The following THSD7B variants were observed in gnomAD, a reference collection of about 807,000 sequenced individuals.
THSD7B encodes thrombospondin type 1 domain containing 7B.
THSD7B carries 138 observed loss-of-function variants against 213.6 expected under a neutral mutation model. The ratio of observed to expected loss-of-function variants is 0.65; its 90% CI spans 0.56 to 0.74. The LOEUF is 0.74. Ranked by LOEUF, THSD7B falls within the 30% of genes least tolerant of loss-of-function variation. The probability of loss-of-function intolerance (pLI) is 0.00; values close to 1 mark genes in which losing one functional copy is unlikely to be tolerated. For missense variants in THSD7B, 1,931 were observed against 1,991.5 expected, an observed-to-expected ratio of 0.97 and a Z score of 0.58; for synonymous variants, 742 against 687.0, an observed-to-expected ratio of 1.08 and a Z score of -1.25.
intron 15 of THSD7B, among the ~76,000 whole-genome samples, chr2:137,505,594 C>T (rs984737537): frequency 3.9e-5 from 6 of 152,190 alleles, no homozygotes; most frequent in African/African-American, 1.2e-4. Flanking sequence ...ATTCTGCGAA[C>T]GGAGTCCTGG....
intron 15 of THSD7B, among the ~76,000 whole-genome samples, chr2:137,455,161 C>T (rs1324354201): frequency 6.6e-6 from 1 of 152,182 alleles, no homozygotes; most frequent in Non-Finnish European, 1.5e-5. Flanking sequence ...ATTCCAGTCC[C>T]TGTACATTAT....
At chr2:136,930,983 C>A (rs1684618547) in intron 2 of THSD7B, among the ~76,000 whole-genome samples, 1 of 152,254 alleles carries the variant, frequency 6.6e-6, no homozygotes, top group Admixed American at 6.5e-5. Context: ...TCAGTCTGGG[C>A]CAATAATAGT....
At chr2:137,391,463 C>T (rs1013623383) in intron 12 of THSD7B, among the ~76,000 whole-genome samples, 5 of 151,958 alleles carry the variant, frequency 3.3e-5, no homozygotes. Context: ...CCAAGGCGGG[C>T]AGATCACAAG....
At chr2:137,575,725 C>CACACACATATATATATATATATATAT (rs59620213) in intron 17 of THSD7B, among the ~76,000 whole-genome samples, 28 of 110,816 alleles carry the variant, frequency 2.5e-4, no homozygotes, top group Non-Finnish European at 4.5e-4. Context: ...CCATAACACA[C>CACACACATATATATATATATATATAT]ATATATATAT....
Position 136,851,098 on chromosome 2 carries a change from T to C in THSD7B, c.-35-31046T>C, listed in dbSNP as rs534434767. 3.9e-5 allele frequency among the ~76,000 whole-genome samples: 6 copies of C among 152,224 alleles called. No individual in the cohort carries two copies. The South Asian group carries it at 1.0e-3, about 26-fold the overall frequency. ...ATTTTGTCTTTCAAAAATATATTGGTGTGTTCTTCAGTTTTTCTGTATATC... is the reference window on the plus strand; with the variant it reads ...ATTTTGTCTTTCAAAAATATATTGGCGTGTTCTTCAGTTTTTCTGTATATC... On this transcript the variant is annotated intron_variant, in intron 1 of 27. Transcript: ENST00000409968.
chr2:136,822,782 T>C (rs920841731), intron 1 of THSD7B, among the ~76,000 whole-genome samples: 1 of 152,218 alleles, frequency 6.6e-6, no homozygotes, highest in African/African-American at 2.4e-5. Context: ...GGGAGAGTCC[T>C]ACCTGCATTC....
chr2:137,403,556 A>T (rs2105000463), intron 12 of THSD7B, among the ~76,000 whole-genome samples: 1 of 152,358 alleles, frequency 6.6e-6, no homozygotes, highest in South Asian at 2.1e-4. Flanking sequence ...AATTCAGCAA[A>T]TATCCATTAA....
At chr2:137,464,536 G>T (rs966643789) in intron 15 of THSD7B, among the ~76,000 whole-genome samples, 3 of 152,070 alleles carry the variant, frequency 2.0e-5, no homozygotes, top group South Asian at 2.1e-4. Flanking sequence ...CAGGGAGCTG[G>T]AATATTCATA....
At chr2:137,074,314 G>T (rs933986974) in intron 3 of THSD7B, among the ~76,000 whole-genome samples, 7 of 152,224 alleles carry the variant, frequency 4.6e-5, no homozygotes, top group African/African-American at 1.4e-4. Context: ...TCTTCTTGTT[G>T]AATTAATCCC....
At chr2:137,058,744 G>C (rs1396773648) in intron 3 of THSD7B, among the ~76,000 whole-genome samples, 1 of 152,154 alleles carries the variant, frequency 6.6e-6, no homozygotes, top group Non-Finnish European at 1.5e-5. Flanking sequence ...ATTATGTCGT[G>C]ATGATGCAGT....
At chr2:137,264,673 T>C (rs537791005) in intron 10 of THSD7B, among the ~76,000 whole-genome samples, 8 of 152,274 alleles carry the variant, frequency 5.3e-5, no homozygotes, top group Non-Finnish European at 1.2e-4. Context: ...ATTTGTGATA[T>C]TTCTGTTATA....
Position 136,823,268 on chromosome 2 carries a change from T to C in THSD7B, c.-36+57581T>C, listed in dbSNP as rs139677252. Among the ~76,000 whole-genome samples the C allele has an allele frequency of 5.9e-3, 895 of 152,294 alleles. 10 individuals carry two copies. Among genetic ancestry groups the C allele is most frequent in the African/African-American group, 0.021 (857 of 41,548 alleles). On this transcript the variant is annotated intron_variant, in intron 1 of 27. Transcript: ENST00000409968. ...CAGAAATTCCTCAATTCTTCTACGA[T>C]GTGGGCCATTAAAGTTCTGATTTGA...
At chr2:137,597,936 T>C (rs1681993209) in intron 17 of THSD7B, among the ~76,000 whole-genome samples, 1 of 152,136 alleles carries the variant, frequency 6.6e-6, no homozygotes, top group South Asian at 2.1e-4. Context: ...TAGTAAATAT[T>C]TCTCAAAGAG....
chr2:136,870,253 G>A (rs1173560131), intron 1 of THSD7B, among the ~76,000 whole-genome samples: 2 of 152,048 alleles, frequency 1.3e-5, no homozygotes, highest in Admixed American at 1.3e-4. Context: ...TCAGTAGTTG[G>A]ATTTTTCTAT....
intron 14 of THSD7B, among the ~76,000 whole-genome samples, chr2:137,421,215 C>T (rs181394261): frequency 6.6e-6 from 1 of 152,208 alleles, no homozygotes; most frequent in East Asian, 1.9e-4. Flanking sequence ...GGGAGTTTTT[C>T]CCCCACACAC....
At chr2:136,928,924 T>C (rs1293127495) in intron 2 of THSD7B, among the ~76,000 whole-genome samples, 1 of 152,136 alleles carries the variant, frequency 6.6e-6, no homozygotes, top group East Asian at 1.9e-4. Flanking sequence ...AATAGTTCTA[T>C]AAACATGAGT....
At chr2:137,249,833 A>G (rs1312310286) in intron 10 of THSD7B, among the ~76,000 whole-genome samples, 1 of 152,238 alleles carries the variant, frequency 6.6e-6, no homozygotes, top group East Asian at 1.9e-4. Flanking sequence ...CTTGTCTATT[A>G]GCAAATCAAG....
intron 12 of THSD7B, among the ~76,000 whole-genome samples, chr2:137,284,429 T>G (rs1365415255): frequency 6.6e-6 from 1 of 152,174 alleles, no homozygotes; most frequent in African/African-American, 2.4e-5. Context: ...AGTTATTTCT[T>G]GCCTTCTGCT....
At chr2:137,179,227 A>G (rs770855797) in intron 7 of THSD7B, among the ~76,000 whole-genome samples, 1 of 152,140 alleles carries the variant, frequency 6.6e-6, no homozygotes, top group Non-Finnish European at 1.5e-5. Context: ...CCCCCCAGAC[A>G]TGTCCTAAGT....
Sources: gnomAD v4.1 joint callset for allele counts (sites outside exome capture counted in the v4.1 genomes callset) on GRCh38, gnomAD v4.1.1 for gene constraint, MANE v1.5 for transcripts, NCBI Gene and HGNC (gene_info 2026-07-23, HGNC 2026-07-21) for gene names.